Variants in FMR1 observed in about 807,000 individuals in gnomAD.
FMR1 encodes fragile X messenger ribonucleoprotein 1.
FMR1 carries 13 observed loss-of-function variants against 50.6 expected under a neutral mutation model. That is an observed-to-expected ratio of 0.26 (90% CI 0.17 to 0.41). The LOEUF (loss-of-function observed/expected upper bound fraction) is 0.41. Ranked by LOEUF, FMR1 falls within the 10% of genes least tolerant of loss-of-function variation. FMR1 has a pLI of 1.00. For synonymous variants in FMR1, 138 were observed against 164.1 expected, an observed-to-expected ratio of 0.84 and a Z score of 1.22; for missense variants, 316 against 491.3, an observed-to-expected ratio of 0.64 and a Z score of 3.37.
chrX:147,942,994 C>T, intron 13 of FMR1, 137 bp from the exon 14 acceptor site: 2 of 504,974 alleles, frequency 4.0e-6, no homozygotes, highest in Non-Finnish European at 6.6e-6. Context: ...CCTGATAATT[C>T]TGTGTAACAG....
At chrX:147,914,994 G>C (rs1005499569) in intron 1 of FMR1, among the ~76,000 whole-genome samples, 2 of 111,721 alleles carry the variant, frequency 1.8e-5, no homozygotes, top group African/African-American at 6.5e-5. Context: ...TTGTGTACTA[G>C]TATGAAAATT....
At chrX:147,932,373 G>A (rs782688911) in intron 7 of FMR1, 52 bp from the exon 8 acceptor site, 107 of 1,115,659 alleles carry the variant, frequency 9.6e-5, no homozygotes, top group Non-Finnish European at 1.3e-4. Flanking sequence ...CCTAAATACA[G>A]TTGTCGTAAT....
At chrX:147,926,408 G>A (rs929930431) in intron 3 of FMR1, among the ~76,000 whole-genome samples, 10 of 111,690 alleles carry the variant, frequency 9.0e-5, no homozygotes, top group African/African-American at 3.3e-4. Context: ...ATGAATATTT[G>A]TAGTATGAAG....
intron 1 of FMR1, among the ~76,000 whole-genome samples, chrX:147,917,504 C>G (rs1253167689): frequency 1.8e-5 from 2 of 111,713 alleles, no homozygotes; most frequent in Admixed American, 1.9e-4. Flanking sequence ...TCTCAAATTC[C>G]AAGATTCTCA....
rs1010853219 is a variant in FMR1, at chrX:147,942,988, A to T, written c.1276-143A>T. On this transcript the variant is annotated intron_variant, in intron 13 of 16. Transcript: ENST00000370475. The stretch of plus-strand genomic sequence containing the variant: ...TTTAAGGAGATCATTCAATTTCCTG[A>T]TAATTCTGTGTAACAGTGTTTACTG... 3 of 497,507 alleles carry T rather than the reference A, an allele frequency of 6.0e-6. No homozygotes were observed. The African/African-American group carries it at 7.2e-5, about 12-fold the overall frequency. The allele number at this position is 497,507 out of a possible 1,213,427, so 41.0% of individuals were successfully genotyped here. A position where few individuals can be genotyped will look rare whatever the true frequency, so the allele number is the denominator to read the frequency against.
intron 7 of FMR1, among the ~76,000 whole-genome samples, chrX:147,930,644 G>A (rs1165320889): frequency 9.0e-6 from 1 of 111,701 alleles, no homozygotes; most frequent in Admixed American, 9.5e-5. Flanking sequence ...CTAATTGGTT[G>A]TCATTCTTTA....
intron 10 of FMR1, among the ~76,000 whole-genome samples, chrX:147,937,009 C>T (rs2043810924): frequency 9.0e-6 from 1 of 111,644 alleles, no homozygotes; most frequent in Admixed American, 9.5e-5. Flanking sequence ...TTCATCTTTT[C>T]ACTTTTTTAG....
At chrX:147,939,568 T>C (rs1383871375) in intron 12 of FMR1, among the ~76,000 whole-genome samples, 2 of 111,444 alleles carry the variant, frequency 1.8e-5, no homozygotes, top group Non-Finnish European at 3.8e-5. Flanking sequence ...CTTTTTACTT[T>C]TGTACCCTTG....
chrX:147,946,097 G>C (rs545483132), intron 16 of FMR1, among the ~76,000 whole-genome samples: 83 of 110,898 alleles, frequency 7.5e-4, no homozygotes, highest in African/African-American at 2.7e-3. Flanking sequence ...GGCTGGTCTT[G>C]AACTCCCAAC....
Position 147,925,778 on chromosome X carries a change from A to G in FMR1, c.198+145A>G, listed in dbSNP as rs994643830. ...ATGGACACGTGCTTTTGACTAACTC[A>G]TCTTATTAATAATTCAAAATGATAC... is the stretch of plus-strand genomic sequence containing the variant. On this transcript the variant is annotated intron_variant, in intron 3 of 16. Transcript: ENST00000370475. 1.2e-5 allele frequency: 6 copies of G among 490,531 alleles called. No individual in the cohort carries two copies. In the Admixed American group the frequency reaches 1.5e-4, roughly 12 times the overall value. 40.4% of individuals were successfully genotyped at this position (490,531 alleles called of 1,213,427 possible). A position where few individuals can be genotyped will look rare whatever the true frequency, so the allele number is the denominator to read the frequency against.
chrX:147,921,930 C>T lies in FMR1; in HGVS notation c.52-3C>T, dbSNP rs202144557. ...AGTTAATTTAACGTTTTTTCTTACA[C>T]AGGCATTTGTAAAGGATGTTCATGA... On this transcript the variant is annotated splice_region_variant and splice_polypyrimidine_tract_variant and intron_variant, in intron 1 of 16. Coordinates refer to ENST00000370475, the MANE Select transcript of FMR1 (RefSeq NM_002024.6). 2.1e-5 allele frequency: 24 copies of T among 1,138,956 alleles called. No individual in the cohort carries two copies. Among genetic ancestry groups the T allele is most frequent in the Non-Finnish European group, 2.9e-5 (24 of 831,468 alleles). The allele number at this position is 1,138,956 out of a possible 1,213,427, so 93.9% of individuals were successfully genotyped here.
intron 7 of FMR1, among the ~76,000 whole-genome samples, chrX:147,930,523 TC>T (rs1201178140): frequency 5.4e-5 from 6 of 112,046 alleles, no homozygotes; most frequent in Non-Finnish European, 1.1e-4. Context: ...CAATGCTTCT[TC>T]CATATAACAT....
At chrX:147,934,451 A>C (rs1378707959) in intron 9 of FMR1, among the ~76,000 whole-genome samples, 1 of 111,271 alleles carries the variant, frequency 9.0e-6, no homozygotes, top group Non-Finnish European at 1.9e-5. Flanking sequence ...TGTGATAATT[A>C]AATTGGAAGA....
chrX:147,946,377 A>T (rs1484446384), intron 16 of FMR1, among the ~76,000 whole-genome samples: 1 of 112,430 alleles, frequency 8.9e-6, no homozygotes, highest in Non-Finnish European at 1.9e-5. Context: ...AGAGCTGATG[A>T]TATTCAGCTA....
At position 147,940,659 on chromosome X, in the gene FMR1, A is replaced by G. The variant is rs782782102; in HGVS notation, c.1272A>G (p.Leu424=). ...TTTTGGATTATCACCTGAACTATTTAAAGGTGAGAACAGAAAGAACTTTAA... is the reference window on the plus strand; with the variant it reads ...TTTTGGATTATCACCTGAACTATTTGAAGGTGAGAACAGAAAGAACTTTAA... ...TVLLDYHLNY[L]KEVDQLRLER... The change falls in exon 13 of 17, where the codon TTA becomes TTG. Residue 424 remains leucine, a synonymous_variant. Transcript: ENST00000370475. 3 of 1,143,269 alleles carry G rather than the reference A, an allele frequency of 2.6e-6. No homozygotes were observed. In the South Asian group the frequency reaches 5.4e-5, roughly 21 times the overall value. The allele number at this position is 1,143,269 out of a possible 1,213,427, so 94.2% of individuals were successfully genotyped here. A position where few individuals can be genotyped will look rare whatever the true frequency, so the allele number is the denominator to read the frequency against.
At chrX:147,929,629 G>T (rs1303927448) in intron 5 of FMR1, among the ~76,000 whole-genome samples, 1 of 109,062 alleles carries the variant, frequency 9.2e-6, no homozygotes, top group Non-Finnish European at 1.9e-5. Context: ...AAGAGAAGAA[G>T]AAAGAAATCA....
rs1199023017 is a variant in FMR1, at chrX:147,930,131, A to C, written c.517A>C (p.Ile173Leu). 2 of 1,191,865 alleles carry C rather than the reference A, an allele frequency of 1.7e-6. No individual in the cohort carries two copies. The highest frequency in any genetic ancestry group is 2.3e-6 in the Non-Finnish European group (2 of 878,883). Residue 173 changes from isoleucine to leucine, a missense_variant, in exon 7 of 17, where the codon ATC becomes CTC. This residue lies in a region of FMR1 where 124 missense variants were observed against 238.1 expected (regional missense o/e 0.52). Transcript: ENST00000370475. ...PENYQLVILS[I>L]NEVTSKRAHM... ...GTTGTTAATTTAAATCATTTAGTCC[A>C]TCAATGAAGTCACCTCAAAGCGAGC...
At chrX:147,929,039 G>T (rs1256040777) in intron 5 of FMR1, among the ~76,000 whole-genome samples, 2 of 112,016 alleles carry the variant, frequency 1.8e-5, no homozygotes, top group Non-Finnish European at 3.8e-5. Context: ...GGCTATACAC[G>T]TGTCTGATGT....
At chrX:147,919,539 C>T (rs2043053042) in intron 1 of FMR1, among the ~76,000 whole-genome samples, 1 of 112,203 alleles carries the variant, frequency 8.9e-6, no homozygotes, top group Admixed American at 9.4e-5. Flanking sequence ...TAAAAATAAG[C>T]AAGATCAAAA....
Sources: allele counts gnomAD v4.1 joint callset (sites outside exome capture counted in the v4.1 genomes callset), GRCh38; gene constraint gnomAD v4.1.1; regional missense constraint gnomAD v4.1.1; transcripts MANE v1.5; gene names NCBI Gene and HGNC (gene_info 2026-07-23, HGNC 2026-07-21).